The following POTEF variants were observed in gnomAD, a reference collection of about 807,000 sequenced individuals.
POTEF encodes the protein ANKRD26-like family C member 1B.
Under a neutral mutation model 83.2 loss-of-function variants are expected in POTEF, and 20 were observed. That is an observed-to-expected ratio of 0.24 (90% CI 0.17 to 0.35). POTEF has a LOEUF of 0.35. POTEF is among the 10% of genes least tolerant of loss of function. The probability of loss-of-function intolerance (pLI) is 1.00; values close to 1 mark genes in which losing one functional copy is unlikely to be tolerated. For synonymous variants in POTEF, 196 were observed against 446.4 expected (o/e 0.44, Z 7.07); for missense variants, 550 against 1,203.2 (o/e 0.46, Z 8.03).
intron 3 of POTEF, among the ~76,000 whole-genome samples, chr2:130,115,828 GGT>G (rs1483340117): frequency 6.6e-6 from 1 of 152,064 alleles, no homozygotes; most frequent in Non-Finnish European, 1.5e-5. Flanking sequence ...TACACTTTCA[GGT>G]GTGTTTTAAA....
intron 3 of POTEF, 48 bp downstream of exon 3, chr2:130,119,947 C>T (rs1363276325): frequency 7.0e-7 from 1 of 1,427,886 alleles, no homozygotes; most frequent in Non-Finnish European, 9.4e-7. Context: ...AGGGTATGTC[C>T]CCATCATCCC....
At chr2:130,104,444 C>T (rs913616597) in intron 8 of POTEF, among the ~76,000 whole-genome samples, 1 of 147,984 alleles carries the variant, frequency 6.8e-6, no homozygotes, top group Non-Finnish European at 1.5e-5. Context: ...AACACTCTTT[C>T]TCTTTTTTCA....
chr2:130,113,413 C>G (rs901400618), intron 5 of POTEF, among the ~76,000 whole-genome samples: 7 of 139,496 alleles, frequency 5.0e-5, no homozygotes, highest in Non-Finnish European at 1.5e-5. Flanking sequence ...AACCCCAACT[C>G]TTCTAGAGAT....
chr2:130,105,727 G>C (rs1487041020), intron 8 of POTEF, among the ~76,000 whole-genome samples: 1 of 147,944 alleles, frequency 6.8e-6, no homozygotes, highest in Non-Finnish European at 1.5e-5. Context: ...ACCATAACCA[G>C]AATGCCTTAA....
chr2:130,120,638 A>T, intron 2 of POTEF, 30 bp from the exon 3 acceptor site: 2 of 1,557,932 alleles, frequency 1.3e-6, no homozygotes, highest in Non-Finnish European at 1.7e-6. Context: ...AATCCCAGCC[A>T]AAACCTGCCA....
At chr2:130,115,942 C>T (rs533843997) in intron 3 of POTEF, among the ~76,000 whole-genome samples, 20 of 152,040 alleles carry the variant, frequency 1.3e-4, no homozygotes, top group South Asian at 1.2e-3. Flanking sequence ...CTATAATTGG[C>T]GGCATTTAAA....
chr2:130,121,709 A>ACAC (rs1038648032), intron 2 of POTEF, among the ~76,000 whole-genome samples: 21 of 77,864 alleles, frequency 2.7e-4, no homozygotes, highest in Non-Finnish European at 5.1e-4. Flanking sequence ...ATATAATCAA[A>ACAC]CACCACCTTT....
chr2:130,121,376 T>C (rs1685000553), intron 2 of POTEF, among the ~76,000 whole-genome samples: 1 of 143,304 alleles, frequency 7.0e-6, no homozygotes, highest in Non-Finnish European at 1.5e-5. Context: ...GACAGCCTCC[T>C]TTGAAAAAAG....
intron 8 of POTEF, among the ~76,000 whole-genome samples, chr2:130,103,387 C>A (rs1490078719): frequency 2.0e-5 from 3 of 150,730 alleles, no homozygotes; most frequent in African/African-American, 7.5e-5. Flanking sequence ...GTGTGAGCCA[C>A]CACACTTGTC....
rs1485678732 is a variant in POTEF, at chr2:130,102,867, CT to C, written c.1127-688del. The stretch of plus-strand genomic sequence containing the variant: ...CTTGCCTACATAAGCCAAGCCCTGT[CT>C]TTGTTCAGGGCTCAGCTTTCGGATG... On this transcript the variant is annotated intron_variant, in intron 8 of 16. Transcript: ENST00000409914. Among the ~76,000 whole-genome samples the C allele has an allele frequency of 2.5e-4, 38 of 151,708 alleles. No individual in the cohort carries two copies. The East Asian group carries it at 4.1e-3, about 16-fold the overall frequency.
rs1170241663 is a variant in POTEF, at chr2:130,073,541, A to G, written c.*703T>C. Among the ~76,000 whole-genome samples the G allele has an allele frequency of 0.011, 1,547 of 146,630 alleles. 23 individuals carry two copies. The highest frequency in any genetic ancestry group is 0.038 in the African/African-American group (1,473 of 39,100). On this transcript the variant is annotated 3_prime_UTR_variant, in exon 17 of 17. Transcript: ENST00000409914. ...ATGACGTAATTGAATTTCCATTTCC[A>G]GTGTTTCCTCGTTGTGTCTTACATT...
intron 2 of POTEF, among the ~76,000 whole-genome samples, chr2:130,126,321 A>AG (rs1685091697): frequency 1.4e-5 from 2 of 146,996 alleles, no homozygotes; most frequent in East Asian, 1.9e-4. Flanking sequence ...AAAAAAAAAA[A>AG]AAAGAAAGAA....
rs546651697 is a variant in POTEF, at chr2:130,107,297, A to G, written c.1126+712T>C. ...CACATCTTGTTCCAACAAAGTAAAT[A>G]TATCTCTTTCCAACTTCAAATGAGG... On this transcript the variant is annotated intron_variant, in intron 8 of 16. Coordinates refer to ENST00000409914, the MANE Select transcript of POTEF (RefSeq NM_001099771.2). Among the ~76,000 whole-genome samples, 425 of 150,942 alleles carry G rather than the reference A, an allele frequency of 2.8e-3. 28 individuals carry two copies. Among genetic ancestry groups the G allele is most frequent in the African/African-American group, 9.7e-3 (389 of 40,292 alleles).
chr2:130,102,928 T>C (rs906083394), intron 8 of POTEF, among the ~76,000 whole-genome samples: 4 of 151,434 alleles, frequency 2.6e-5, no homozygotes, highest in Non-Finnish European at 4.4e-5. Flanking sequence ...CTAAATGAAA[T>C]CCTCCTGTTT....
intron 8 of POTEF, among the ~76,000 whole-genome samples, chr2:130,103,292 G>A (rs1305363501): frequency 2.0e-5 from 3 of 149,946 alleles, no homozygotes; most frequent in Non-Finnish European, 2.9e-5. Context: ...TAGTAGAGAC[G>A]GGGTTTCACC....
intron 8 of POTEF, among the ~76,000 whole-genome samples, chr2:130,103,169 C>T (rs1286362388): frequency 2.7e-5 from 4 of 146,126 alleles, no homozygotes; most frequent in Non-Finnish European, 5.9e-5. Flanking sequence ...GGCGCAATCT[C>T]AGCTCACTGC....
chr2:130,118,758 C>T (rs1426704383), intron 3 of POTEF, among the ~76,000 whole-genome samples: 1 of 151,684 alleles, frequency 6.6e-6, no homozygotes, highest in East Asian at 1.9e-4. Context: ...TGTTTCTCTT[C>T]TGGTATGTTT....
At position 130,120,376 on chromosome 2, in the gene POTEF, C is replaced by T. The variant is rs769691310; in HGVS notation, c.140G>A (p.Gly47Glu). Residue 47 changes from glycine to glutamate, a missense_variant, in exon 3 of 17, where the codon GGA (glycine) becomes GAA (glutamate). Transcript: ENST00000409914. ...CTTCATAGCAGAGTCGTCGTGGTCT[C>T]CAGAAGTGCCCACGTTGCTCTTGCC... ...ESGKSNVGTS[G>E]DHDDSAMKTL... 6.2e-7 allele frequency: 1 copy of T among 1,602,506 alleles called. No homozygotes were observed. The highest frequency in any genetic ancestry group is 1.4e-5 in the African/African-American group (1 of 73,970).
chr2:130,104,763 C>T (rs1250866941), intron 8 of POTEF, among the ~76,000 whole-genome samples: 11 of 151,188 alleles, frequency 7.3e-5, no homozygotes, highest in African/African-American at 2.2e-4. Context: ...TTCATCTGTC[C>T]CATTCTATGT....
Sources: allele counts gnomAD v4.1 joint callset (sites outside exome capture counted in the v4.1 genomes callset), GRCh38; gene constraint gnomAD v4.1.1; transcripts MANE v1.5; gene names NCBI Gene and HGNC (gene_info 2026-07-23, HGNC 2026-07-21).